The following ACACB variants were observed in gnomAD, a reference collection of about 807,000 sequenced individuals.
ACACB encodes the protein acetyl-CoA carboxylase beta.
Under a neutral mutation model 278.8 loss-of-function variants are expected in ACACB, and 209 were observed. The observed-to-expected ratio is 0.75, with a 90% CI of 0.67 to 0.84. ACACB has a LOEUF of 0.84. Among genes scored for constraint, ACACB ranks in the 40% least tolerant of loss-of-function variants. The pLI is 0.00. For synonymous variants in ACACB, 1,174 were observed against 1,285.6 expected (o/e 0.91, Z 1.86); for missense variants, 2,850 against 3,269.0 (o/e 0.87, Z 3.13).
Position 109,167,988 on chromosome 12 carries a change from C to T in ACACB, c.879C>T (p.Ile293=), listed in dbSNP as rs1186633398. The part of the protein sequence containing the change: ...AYEMFRNERA[I]RFVVMVTPED... ...AGATGTTCCGCAACGAGCGGGCCAT[C>T]CGGTTTGTTGTGATGGTGACCCCCG... The change falls in exon 4 of 53, where the codon ATC becomes ATT. Residue 293 remains isoleucine (I), a synonymous_variant. Coordinates refer to ENST00000338432, the MANE Select transcript of ACACB (RefSeq NM_001093.4). 6.2e-7 allele frequency: 1 copy of T among 1,613,802 alleles called. No individual in the cohort carries two copies. The highest frequency in any genetic ancestry group is 8.5e-7 in the Non-Finnish European group (1 of 1,179,864).
intron 1 of ACACB, among the ~76,000 whole-genome samples, chr12:109,120,487 T>C (rs939429908): frequency 6.6e-6 from 1 of 151,646 alleles, no homozygotes; most frequent in Admixed American, 6.6e-5. Flanking sequence ...GACCATGGAG[T>C]GGATGAGGTT....
chr12:109,194,207 GTTT>G (rs1209095759), intron 16 of ACACB, among the ~76,000 whole-genome samples: 129 of 151,764 alleles, frequency 8.5e-4, no homozygotes, highest in African/African-American at 3.0e-3. Flanking sequence ...TGTTGTTGTT[GTTT>G]TTTCAAACGG....
chr12:109,206,841 C>G lies in ACACB; in HGVS notation c.3045C>G (p.Pro1015=), dbSNP rs766318399. 5.0e-6 allele frequency: 8 copies of G among 1,613,952 alleles called. No homozygotes were observed. The highest frequency in any genetic ancestry group is 6.8e-6 in the Non-Finnish European group (8 of 1,180,048). The change falls in exon 20 of 53, where the codon CCC becomes CCG. Residue 1015 remains proline (P), a synonymous_variant. Transcript: ENST00000338432. ...NVMSGFCLPE[P]VFSIKLKEWV... ...TGAGTGGCTTTTGTCTGCCAGAGCC[C>G]GTTTTTAGCATAAAGGTAAAGTCAC...
Position 109,250,009 on chromosome 12 carries a change from A to C in ACACB, c.5695A>C (p.Lys1899Gln). 6.2e-7 allele frequency: 1 copy of C among 1,613,294 alleles called. No homozygotes were observed. The change falls in exon 41 of 53, where the codon AAG (lysine) becomes CAG (glutamine). Residue 1899 changes from lysine (K) to glutamine (Q), a missense_variant. Transcript: ENST00000338432. Reference sequence around the variant, plus strand: ...ATACATGATCACGGATATCATCGGGAAGGATGATGGCTTGGGCGTGGAGAA... The same window carrying C: ...ATACATGATCACGGATATCATCGGGCAGGATGATGGCTTGGGCGTGGAGAA... The part of the protein sequence containing the change: ...SRYMITDIIG[K>Q]DDGLGVENLR...
At chr12:109,260,278 A>T in intron 47 of ACACB, 1 of 1,133,222 alleles carries the variant, frequency 8.8e-7, no homozygotes, top group Non-Finnish European at 1.3e-6. Flanking sequence ...AGATGAGGCC[A>T]CTGAGGCCCA....
chr12:109,174,042 GC>G (rs2044202147), intron 6 of ACACB, 89 bp from the exon 7 acceptor site: 2 of 1,069,110 alleles, frequency 1.9e-6, no homozygotes, highest in Non-Finnish European at 1.4e-6. Context: ...TCCTTACCTG[GC>G]CCCACCACCG....
chr12:109,245,638 C>A lies in ACACB; in HGVS notation c.5191C>A (p.Leu1731Met), dbSNP rs1444958372. 1 of 1,614,026 alleles carries A rather than the reference C, an allele frequency of 6.2e-7. No individual in the cohort carries two copies. The highest frequency in any genetic ancestry group is 1.1e-5 in the South Asian group (1 of 91,058). Residue 1731 changes from leucine to methionine, a missense_variant, in exon 38 of 53, where the codon CTG (leucine) becomes ATG (methionine). Transcript: ENST00000338432. ...PEMFRQALFKLWGSPDKYPKD... is the reference protein window; with the variant it reads ...PEMFRQALFKMWGSPDKYPKD... ...CTTCTCTCCCCAGGCTCTCTTTAAACTGTGGGGCTCCCCAGACAAGTATCC... is the reference window on the plus strand; with the variant it reads ...CTTCTCTCCCCAGGCTCTCTTTAAAATGTGGGGCTCCCCAGACAAGTATCC...
At chr12:109,131,241 C>G (rs1011734316) in intron 1 of ACACB, 1 of 152,552 alleles carries the variant, frequency 6.6e-6, no homozygotes. Context: ...GCTGCACTGC[C>G]AACTTGGGGG....
chr12:109,241,109 G>T lies in ACACB; in HGVS notation c.4850G>T (p.Arg1617Leu). ...IEESVRYMVM[R>L]YGSRLWKLRV... ...GAGTCCGTGCGCTACATGGTTATGC[G>T]CTACGGCAGCCGGCTGTGGAAACTC... Residue 1617 changes from arginine (R) to leucine (L), a missense_variant, in exon 36 of 53, where the codon CGC (arginine) becomes CTC (leucine). Around this residue, in one of 3 missense-constraint regions of ACACB, gnomAD observed 2,265 missense variants for 2,561.3 expected, o/e 0.88. Coordinates refer to ENST00000338432, the MANE Select transcript of ACACB (RefSeq NM_001093.4). 1 of 1,614,138 alleles carries T rather than the reference G, an allele frequency of 6.2e-7. No individual in the cohort carries two copies. Among genetic ancestry groups the T allele is most frequent in the Non-Finnish European group, 8.5e-7 (1 of 1,180,030 alleles).
At chr12:109,135,612 T>C (rs2042947307) in intron 1 of ACACB, among the ~76,000 whole-genome samples, 1 of 151,846 alleles carries the variant, frequency 6.6e-6, no homozygotes, top group Non-Finnish European at 1.5e-5. Context: ...TAAGAATCAA[T>C]TGACAAATCC....
chr12:109,266,364 C>G lies in ACACB; in HGVS notation c.*2C>G. On this transcript the variant is annotated 3_prime_UTR_variant, in exon 53 of 53. Transcript: ENST00000338432. ...ATGGACAGCCCGGCCTCCACCTGAC[C>G]GTGGCCCGCCCAGCCACTCCCGGGA... The G allele has an allele frequency of 6.2e-7, 1 of 1,600,460 alleles. No homozygotes were observed. The highest frequency in any genetic ancestry group is 1.1e-5 in the South Asian group (1 of 89,944).
Position 109,234,030 on chromosome 12 carries a change from A to T in ACACB, c.4332A>T (p.Thr1444=). Residue 1444 remains threonine, a synonymous_variant, in exon 31 of 53, where the codon ACA becomes ACT. Transcript: ENST00000338432. ...EDEALVPILR[T]FVQSKKNILV... ...AGGCACTGGTGCCGATTTTACGGAC[A>T]TTCGTACAGTCCAAGGTACTCTGGG... 1 of 1,612,578 alleles carries T rather than the reference A, an allele frequency of 6.2e-7. No homozygotes were observed.
intron 45 of ACACB, 68 bp from the exon 46 acceptor site, chr12:109,258,200 C>T (rs374348427): frequency 2.4e-6 from 3 of 1,230,428 alleles, no homozygotes; most frequent in Middle Eastern, 1.9e-4. Flanking sequence ...CTCACCCCCA[C>T]ACCCAGAGGT....
chr12:109,192,671 A>G lies in ACACB; in HGVS notation c.2399+721A>G, dbSNP rs143877541. 8.8e-3 allele frequency among the ~76,000 whole-genome samples: 1,326 copies of G among 151,440 alleles called. 30 individuals are homozygous for G. The highest frequency in any genetic ancestry group is 0.03 in the African/African-American group (1,259 of 41,314). On this transcript the variant is annotated intron_variant, in intron 15 of 52. Coordinates refer to ENST00000338432, the MANE Select transcript of ACACB (RefSeq NM_001093.4). ...AAGGATAAACTTTTTTTTTTTTGAG[A>G]CAGAGTCTTGCTCTGTCATCCAGGC...
At chr12:109,170,355 G>A (rs748859390) in intron 4 of ACACB, among the ~76,000 whole-genome samples, 5 of 152,116 alleles carry the variant, frequency 3.3e-5, no homozygotes, top group African/African-American at 4.8e-5. Context: ...GTCAGCCACC[G>A]CGCCCAGCCA....
At chr12:109,179,343 C>T (rs897592410) in intron 10 of ACACB, 46 bp downstream of exon 10, 14 of 1,576,128 alleles carry the variant, frequency 8.9e-6, no homozygotes, top group Non-Finnish European at 1.1e-5. Flanking sequence ...AGAGCCGTCT[C>T]AGCTCAGAGT....
chr12:109,238,334 C>T (rs1402325991), intron 34 of ACACB, among the ~76,000 whole-genome samples: 8 of 141,954 alleles, frequency 5.6e-5, no homozygotes, highest in Non-Finnish European at 7.6e-5. Context: ...ATGGATGTAC[C>T]GTGTATAATT....
intron 12 of ACACB, 48 bp from the exon 13 acceptor site, chr12:109,187,951 T>C: frequency 6.4e-7 from 1 of 1,568,666 alleles, no homozygotes; most frequent in Non-Finnish European, 8.7e-7. Flanking sequence ...TGAAAATATA[T>C]CTGGAGTAAT....
chr12:109,245,783 G>A, intron 38 of ACACB, 35 bp downstream of exon 38: 2 of 1,606,120 alleles, frequency 1.2e-6, no homozygotes, highest in Non-Finnish European at 1.7e-6. Context: ...CCTGGCTGGA[G>A]TCACCCCCTT....
Sources: allele counts gnomAD v4.1 joint callset (sites outside exome capture counted in the v4.1 genomes callset), GRCh38; gene constraint gnomAD v4.1.1; regional missense constraint gnomAD v4.1.1; transcripts MANE v1.5; gene names NCBI Gene and HGNC (gene_info 2026-07-23, HGNC 2026-07-21).